Variants in STAG2 observed in about 807,000 individuals in gnomAD.
STAG2 encodes STAG2 cohesin complex component.
STAG2 carries 14 observed loss-of-function variants against 108.1 expected under a neutral mutation model. The ratio of observed to expected loss-of-function variants is 0.13; its 90% CI spans 0.09 to 0.20. The LOEUF is 0.20. Ranked by LOEUF, STAG2 falls within the 10% of genes least tolerant of loss-of-function variation. The pLI is 1.00. For synonymous variants in STAG2, 307 were observed against 302.7 expected, an observed-to-expected ratio of 1.01 and a Z score of -0.15; for missense variants, 440 against 940.9, an observed-to-expected ratio of 0.47 and a Z score of 6.96.
intron 9 of STAG2, among the ~76,000 whole-genome samples, chrX:124,047,946 A>G (rs151049862): frequency 0.018 from 1,993 of 112,340 alleles, 48 homozygotes; most frequent in African/African-American, 0.061. Context: ...CTGACCACCA[A>G]ATTCAACTCT....
intron 28 of STAG2, among the ~76,000 whole-genome samples, chrX:124,081,748 C>T (rs2058967425): frequency 8.9e-6 from 1 of 111,920 alleles, no homozygotes; most frequent in Admixed American, 9.5e-5. Context: ...GCCTGTAATC[C>T]CAGCACTTTG....
intron 1 of STAG2, among the ~76,000 whole-genome samples, chrX:123,982,770 T>A: frequency 9.5e-6 from 1 of 105,392 alleles, no homozygotes; most frequent in Non-Finnish European, 2.0e-5. Context: ...TTGCCCTTTT[T>A]TTTTTTTTTG....
At chrX:124,019,925 A>G (rs1009075623) in intron 1 of STAG2, among the ~76,000 whole-genome samples, 8 of 112,448 alleles carry the variant, frequency 7.1e-5, no homozygotes, top group Non-Finnish European at 1.5e-4. Flanking sequence ...GTGACAGAGT[A>G]AGACCTTGTC....
In STAG2 at chrX:124,101,112, A is replaced by T. The variant is rs1191322608; in HGVS notation, c.*515A>T. ...AATGCTTAAAACGTCAATCAACAAA[A>T]CTTTGTTTTAAATATTGTAATTGTG... On this transcript the variant is annotated 3_prime_UTR_variant, in exon 35 of 35. Coordinates refer to ENST00000371145, the MANE Select transcript of STAG2 (RefSeq NM_001042750.2). 2 of 147,232 alleles carry T rather than the reference A, an allele frequency of 1.4e-5. No homozygotes were observed. The highest frequency in any genetic ancestry group is 6.2e-5 in the African/African-American group (2 of 32,390). The allele number at this position is 147,232 out of a possible 1,213,427, so 12.1% of individuals were successfully genotyped here.
intron 13 of STAG2, among the ~76,000 whole-genome samples, chrX:124,053,147 A>G (rs2058093273): frequency 8.9e-6 from 1 of 111,892 alleles, no homozygotes; most frequent in African/African-American, 3.2e-5. Flanking sequence ...GTCCTCACCA[A>G]CACTTGTTTT....
Position 123,984,798 on chromosome X carries a change from TG to T in STAG2, c.-163+22944del, listed in dbSNP as rs201744876. Among the ~76,000 whole-genome samples the T allele has an allele frequency of 5.9e-3, 649 of 110,474 alleles. 5 individuals are homozygous for T. Among genetic ancestry groups the T allele is most frequent in the African/African-American group, 0.02 (599 of 30,371 alleles). On this transcript the variant is annotated intron_variant, in intron 1 of 34. Transcript: ENST00000371145. ...GCCCACAGGCACACGCCACCACACC[TG>T]GTTCATTTTTTGTATTTTTGGTAAA...
chrX:124,090,401 C>T (rs769717709), intron 30 of STAG2, among the ~76,000 whole-genome samples, 174 bp from the exon 31 acceptor site: 8 of 109,961 alleles, frequency 7.3e-5, no homozygotes, highest in Non-Finnish European at 1.9e-5. Flanking sequence ...TGTTTTGTGT[C>T]GCAACTAGAC....
chrX:123,973,366 C>T (rs771937107), intron 1 of STAG2, among the ~76,000 whole-genome samples: 1 of 106,751 alleles, frequency 9.4e-6, no homozygotes, highest in Non-Finnish European at 1.9e-5. Context: ...CACGGTGAGA[C>T]CCCGTCTCTA....
rs760713412 is a variant in STAG2 at position 124,031,447 on chromosome X, C to A, written c.288+322C>A. On this transcript the variant is annotated intron_variant, in intron 5 of 34. Coordinates refer to ENST00000371145, the MANE Select transcript of STAG2 (RefSeq NM_001042750.2). ...TAGTCTCGGCTCACCACAACCTCCA[C>A]CTCCTGGGTTCAAGCGATTCTCCTG... is the stretch of plus-strand genomic sequence containing the variant. 6.4e-5 allele frequency among the ~76,000 whole-genome samples: 7 copies of A among 109,492 alleles called. No individual in the cohort carries two copies. The East Asian group carries it at 2.0e-3, about 31-fold the overall frequency.
intron 13 of STAG2, among the ~76,000 whole-genome samples, chrX:124,053,702 A>C (rs1275672986): frequency 8.9e-6 from 1 of 111,932 alleles, no homozygotes; most frequent in Non-Finnish European, 1.9e-5. Flanking sequence ...TGACCATGTA[A>C]GGCTTTCATG....
At chrX:123,974,448 A>T (rs1421649140) in intron 1 of STAG2, among the ~76,000 whole-genome samples, 1 of 106,287 alleles carries the variant, frequency 9.4e-6, no homozygotes, top group South Asian at 4.2e-4. Context: ...CTTGTATCGA[A>T]CTCCTGAGCT....
At chrX:123,967,348 C>T (rs772335327) in intron 1 of STAG2, among the ~76,000 whole-genome samples, 2 of 101,649 alleles carry the variant, frequency 2.0e-5, no homozygotes, top group East Asian at 3.1e-4. Flanking sequence ...TCACTGCAAC[C>T]TCCACCTACT....
intron 1 of STAG2, among the ~76,000 whole-genome samples, chrX:123,989,512 A>C (rs1354288801): frequency 9.0e-6 from 1 of 111,245 alleles, no homozygotes; most frequent in Non-Finnish European, 1.9e-5. Flanking sequence ...GAAATGCAAA[A>C]ATTTTATTTA....
At chrX:124,025,472 TAC>T (rs753039816) in intron 3 of STAG2, among the ~76,000 whole-genome samples, 2 of 111,345 alleles carry the variant, frequency 1.8e-5, no homozygotes, top group Non-Finnish European at 3.8e-5. Context: ...AGTATTAAAA[TAC>T]AGTTTTTCCG....
chrX:124,019,442 A>G (rs1370318661), intron 1 of STAG2, among the ~76,000 whole-genome samples: 1 of 111,162 alleles, frequency 9.0e-6, no homozygotes, highest in Non-Finnish European at 1.9e-5. Context: ...TATTAAGGAC[A>G]AGGATCATTG....
chrX:124,031,874 G>T (rs1391948377), intron 5 of STAG2, among the ~76,000 whole-genome samples: 1 of 107,955 alleles, frequency 9.3e-6, no homozygotes, highest in African/African-American at 3.4e-5. Flanking sequence ...GGGATTACAG[G>T]TGCCCGCCAC....
chrX:123,970,774 C>T (rs2054318508), intron 1 of STAG2, among the ~76,000 whole-genome samples: 1 of 112,120 alleles, frequency 8.9e-6, no homozygotes, highest in South Asian at 3.7e-4. Context: ...CTAACATGAA[C>T]AAGAACTAAT....
intron 1 of STAG2, among the ~76,000 whole-genome samples, chrX:124,017,799 T>G (rs1422086572): frequency 8.9e-6 from 1 of 111,763 alleles, no homozygotes; most frequent in Non-Finnish European, 1.9e-5. Context: ...ATATACTAAT[T>G]ATGGATAACC....
At chrX:123,983,008 G>A (rs1405568255) in intron 1 of STAG2, among the ~76,000 whole-genome samples, 3 of 111,374 alleles carry the variant, frequency 2.7e-5, no homozygotes, top group Non-Finnish European at 5.6e-5. Flanking sequence ...TGCCATCAGT[G>A]CTGTGATACG....
Sources: gnomAD v4.1 joint callset for allele counts (sites outside exome capture counted in the v4.1 genomes callset) on GRCh38, gnomAD v4.1.1 for gene constraint, MANE v1.5 for transcripts, NCBI Gene and HGNC (gene_info 2026-07-23, HGNC 2026-07-21) for gene names.